Variants in DLGAP4 observed in about 807,000 individuals in gnomAD.
DLGAP4 encodes the protein disks large-associated protein 4.
DLGAP4 carries 18 observed loss-of-function variants against 86.9 expected under a neutral mutation model. The observed-to-expected ratio is 0.21, with a 90% CI of 0.14 to 0.31. The LOEUF is 0.31. Among genes scored for constraint, DLGAP4 ranks in the 10% least tolerant of loss-of-function variants. DLGAP4 has a pLI of 1.00. For synonymous variants in DLGAP4, 548 were observed against 574.3 expected (o/e 0.95, Z 0.65); for missense variants, 1,085 against 1,362.6 (o/e 0.80, Z 3.21).
chr20:36,338,142 T>G lies in DLGAP4; in HGVS notation c.-303-28903T>G, dbSNP rs149299038. ...GTTGGGAGGGGAGCTTCTTAAGCTGTGTGTGACGCCCTGGACACATGGTGT... is the reference window on the plus strand; with the variant it reads ...GTTGGGAGGGGAGCTTCTTAAGCTGGGTGTGACGCCCTGGACACATGGTGT... On this transcript the variant is annotated intron_variant, in intron 1 of 12. Coordinates refer to ENST00000339266, the MANE Select transcript of DLGAP4 (RefSeq NM_001365621.2). Among the ~76,000 whole-genome samples, 122 of 152,310 alleles carry G rather than the reference T, an allele frequency of 8.0e-4. 1 individual carries two copies. In the Middle Eastern group the frequency reaches 0.014, roughly 17 times the overall value.
intron 9 of DLGAP4, 91 bp downstream of exon 9, chr20:36,499,767 T>C: frequency 1.7e-6 from 2 of 1,194,832 alleles, no homozygotes; most frequent in South Asian, 2.6e-5. Flanking sequence ...CACTTCTCCT[T>C]GCTGGATTTC....
At chr20:36,496,354 C>A (rs1390932941) in intron 7 of DLGAP4, among the ~76,000 whole-genome samples, 1 of 152,212 alleles carries the variant, frequency 6.6e-6, no homozygotes, top group Admixed American at 6.5e-5. Context: ...CACCTCCCCA[C>A]GGCACGGGTC....
In DLGAP4 at chr20:36,306,941, T is replaced by A. The variant is rs529215731; in HGVS notation, c.-304+429T>A. On this transcript the variant is annotated intron_variant, in intron 1 of 12. Coordinates refer to ENST00000339266, the MANE Select transcript of DLGAP4 (RefSeq NM_001365621.2). The surrounding 1 kb of genome is among the most constrained non-coding windows in gnomAD (Gnocchi z 4.9). ...GCGGCCTGGGGGTCAGGCGGACCCC[T>A]CCCGTGCCCGGCCAACCTTGGCGCT... is the stretch of plus-strand genomic sequence containing the variant. Among the ~76,000 whole-genome samples the A allele has an allele frequency of 1.1e-4, 17 of 152,136 alleles. No individual in the cohort carries two copies. The East Asian group carries it at 3.1e-3, about 28-fold the overall frequency.
chr20:36,409,138 C>T (rs1332176964), intron 2 of DLGAP4, among the ~76,000 whole-genome samples: 3 of 148,066 alleles, frequency 2.0e-5, no homozygotes, highest in Middle Eastern at 3.7e-3. Flanking sequence ...CGGGTTCAAG[C>T]GATTCTCATG....
At chr20:36,467,011 CTCTCTCCTCTCTCTCT>C in intron 7 of DLGAP4, among the ~76,000 whole-genome samples, 1 of 132,642 alleles carries the variant, frequency 7.5e-6, no homozygotes, top group African/African-American at 3.0e-5. Context: ...CTCTCTCTCT[CTCTCTCCTCTCTCTCT>C]CTCTCTCTCT....
chr20:36,415,572 C>T (rs1418166367), intron 2 of DLGAP4, among the ~76,000 whole-genome samples: 1 of 152,186 alleles, frequency 6.6e-6, no homozygotes, highest in Admixed American at 6.5e-5. Flanking sequence ...TGCTGAGAAC[C>T]ATCTGTCTGT....
chr20:36,455,981 A>T (rs1310616312), intron 7 of DLGAP4, among the ~76,000 whole-genome samples: 1 of 152,098 alleles, frequency 6.6e-6, no homozygotes, highest in African/African-American at 2.4e-5. Flanking sequence ...ATGTCCGGAG[A>T]TTGCAAATGG....
chr20:36,498,582 G>A (rs962447744), intron 8 of DLGAP4: 1 of 152,578 alleles, frequency 6.6e-6, no homozygotes, highest in African/African-American at 2.4e-5. Flanking sequence ...GCAGCTCCTT[G>A]GAGATCCAGT....
At chr20:36,419,208 G>A (rs528565458) in intron 2 of DLGAP4, among the ~76,000 whole-genome samples, 4 of 151,104 alleles carry the variant, frequency 2.6e-5, no homozygotes, top group East Asian at 1.9e-4. Context: ...CTGTAGTCTC[G>A]ACCTCCTTGA....
intron 1 of DLGAP4, among the ~76,000 whole-genome samples, chr20:36,325,159 C>A (rs1482784219): frequency 6.6e-6 from 1 of 152,086 alleles, no homozygotes; most frequent in Non-Finnish European, 1.5e-5. Context: ...ATTATATTTT[C>A]ATTTTTATTC....
intron 5 of DLGAP4, among the ~76,000 whole-genome samples, chr20:36,440,122 C>T (rs1189123778): frequency 3.3e-5 from 5 of 152,170 alleles, no homozygotes; most frequent in East Asian, 3.9e-4. Flanking sequence ...GCCAGCGGGG[C>T]GCCTGTCACT....
chr20:36,337,998 T>C (rs1025857424), intron 1 of DLGAP4, among the ~76,000 whole-genome samples: 13 of 151,844 alleles, frequency 8.6e-5, no homozygotes, highest in Non-Finnish European at 1.8e-4. Flanking sequence ...AGGAGTGGGA[T>C]TGGGGAGTCT....
chr20:36,333,569 A>T (rs73905331), intron 1 of DLGAP4, among the ~76,000 whole-genome samples: 142 of 152,268 alleles, frequency 9.3e-4, no homozygotes, highest in African/African-American at 3.3e-3. Context: ...TCCTTGTAGC[A>T]GTCCTGTGAG....
chr20:36,360,775 G>A (rs556533786), intron 1 of DLGAP4, among the ~76,000 whole-genome samples: 147 of 152,106 alleles, frequency 9.7e-4, no homozygotes, highest in Middle Eastern at 6.8e-3. Context: ...GAGGGATGGC[G>A]GCAGGGAGGG....
chr20:36,411,386 G>C (rs557819119), intron 2 of DLGAP4, among the ~76,000 whole-genome samples: 1 of 152,304 alleles, frequency 6.6e-6, no homozygotes, highest in South Asian at 2.1e-4. Flanking sequence ...TCACTTTACA[G>C]TACCTTTGGA....
At chr20:36,468,594 C>T (rs937538012) in intron 7 of DLGAP4, among the ~76,000 whole-genome samples, 2 of 152,270 alleles carry the variant, frequency 1.3e-5, no homozygotes, top group South Asian at 2.1e-4. Context: ...AGAGCAACCA[C>T]ATGGCAGGCA....
intron 1 of DLGAP4, among the ~76,000 whole-genome samples, chr20:36,340,428 C>G (rs376636491): frequency 6.6e-6 from 1 of 152,234 alleles, no homozygotes; most frequent in East Asian, 1.9e-4. Flanking sequence ...TCTCCAGTGA[C>G]TCACCCTCTC....
chr20:36,494,296 G>A (rs1398298959), intron 7 of DLGAP4, among the ~76,000 whole-genome samples: 1 of 152,214 alleles, frequency 6.6e-6, no homozygotes. Flanking sequence ...CGTGGCATGT[G>A]TTACTTTCAA....
intron 1 of DLGAP4, among the ~76,000 whole-genome samples, chr20:36,340,359 C>T (rs1038082889): frequency 3.9e-5 from 6 of 152,128 alleles, no homozygotes; most frequent in African/African-American, 7.2e-5. Context: ...CAAGGCTGCC[C>T]GGCCCCATGC....
Sources: allele counts gnomAD v4.1 joint callset (sites outside exome capture counted in the v4.1 genomes callset), GRCh38; gene constraint gnomAD v4.1.1; non-coding constraint Gnocchi (gnomAD v3.1); transcripts MANE v1.5; gene names NCBI Gene and HGNC (gene_info 2026-07-23, HGNC 2026-07-21).